The following SLC66A2 variants were observed in gnomAD, a reference collection of about 807,000 sequenced individuals.
SLC66A2 encodes the protein solute carrier family 66 member 2.
SLC66A2 carries 23 observed loss-of-function variants against 25.5 expected under a neutral mutation model. The ratio of observed to expected loss-of-function variants is 0.90; its 90% CI spans 0.65 to 1.28. The LOEUF (loss-of-function observed/expected upper bound fraction) is 1.28. Among genes scored for constraint, SLC66A2 ranks in the 50% most tolerant of loss-of-function variants. SLC66A2 has a pLI of 0.00. For missense variants in SLC66A2, 396 were observed against 373.1 expected, an observed-to-expected ratio of 1.06 and a Z score of -0.51; for synonymous variants, 193 against 166.5, an observed-to-expected ratio of 1.16 and a Z score of -1.23.
intron 4 of SLC66A2, among the ~76,000 whole-genome samples, chr18:79,929,579 T>A (rs1986355155): frequency 6.6e-6 from 1 of 152,076 alleles, no homozygotes; most frequent in South Asian, 2.1e-4. Flanking sequence ...AGGAAAAAAA[T>A]AATAAGCAGG....
intron 2 of SLC66A2, among the ~76,000 whole-genome samples, chr18:79,946,368 C>T (rs2050926323): frequency 6.6e-6 from 1 of 152,262 alleles, no homozygotes; most frequent in African/African-American, 2.4e-5. Context: ...GCCACATTTA[C>T]TTCTCAACTT....
At position 79,903,619 on chromosome 18, in the gene SLC66A2, C is replaced by T. The variant is rs892765097; in HGVS notation, c.*357G>A. 1 of 302,662 alleles carries T rather than the reference C, an allele frequency of 3.3e-6. No individual in the cohort carries two copies. Among genetic ancestry groups the T allele is most frequent in the Non-Finnish European group, 6.1e-6 (1 of 163,042 alleles). The allele number at this position is 302,662 out of a possible 1,614,324, so 18.7% of individuals were successfully genotyped here. ...ACCCCAGCTTCAAGGTTCGCGGCTG[C>T]TGGCCCGTGTGTCCACCTGGAGCAG... On this transcript the variant is annotated 3_prime_UTR_variant, in exon 6 of 6. Coordinates refer to ENST00000397778, the MANE Select transcript of SLC66A2 (RefSeq NM_025078.5).
intron 5 of SLC66A2, among the ~76,000 whole-genome samples, chr18:79,905,896 C>A (rs543892821): frequency 6.6e-6 from 1 of 152,346 alleles, no homozygotes; most frequent in East Asian, 1.9e-4. Context: ...CACACAGACA[C>A]AATTTCTGGC....
chr18:79,913,037 C>T (rs1028392387), intron 5 of SLC66A2, among the ~76,000 whole-genome samples: 2 of 152,160 alleles, frequency 1.3e-5, no homozygotes, highest in Admixed American at 6.5e-5. Flanking sequence ...GGTAAGAGCT[C>T]GGCTTCTGGA....
At chr18:79,931,895 T>C (rs999577613) in intron 4 of SLC66A2, among the ~76,000 whole-genome samples, 1 of 152,154 alleles carries the variant, frequency 6.6e-6, no homozygotes, top group Non-Finnish European at 1.5e-5. Context: ...CACACACCTA[T>C]AGTCCCAGCT....
At position 79,926,367 on chromosome 18, in the gene SLC66A2, G is replaced by A. The variant is rs189103901; in HGVS notation, c.392-6967C>T. Among the ~76,000 whole-genome samples the A allele has an allele frequency of 1.7e-3, 265 of 152,224 alleles. 8 individuals are homozygous for A. The highest frequency in any genetic ancestry group is 0.014 in the Admixed American group (215 of 15,288). On this transcript the variant is annotated intron_variant, in intron 4 of 5. Coordinates refer to ENST00000397778, the MANE Select transcript of SLC66A2 (RefSeq NM_025078.5). ...GCCCTTTCCAGTAATAAACATGAGA[G>A]GGACAGAGAATGCCAGAGAGCTTCC...
In SLC66A2 at chr18:79,938,155, AAAAAG is replaced by A. The variant is rs573327366; in HGVS notation, c.338-4138_338-4134del. ...AGTGAGACCCTGTCTCAAAAAAAAA[AAAAAG>A]AAAGAAAGAAAAAAGAAAAACCTGC... On this transcript the variant is annotated intron_variant, in intron 3 of 5. Coordinates refer to ENST00000397778, the MANE Select transcript of SLC66A2 (RefSeq NM_025078.5). Among the ~76,000 whole-genome samples, 436 of 152,114 alleles carry A rather than the reference AAAAAG, an allele frequency of 2.9e-3. 3 individuals are homozygous for A. Among genetic ancestry groups the A allele is most frequent in the African/African-American group, 9.8e-3 (406 of 41,498 alleles).
chr18:79,919,136 T>C (rs575064804), intron 5 of SLC66A2, 48 bp downstream of exon 5: 3 of 1,514,364 alleles, frequency 2.0e-6, no homozygotes, highest in African/African-American at 2.7e-5. Flanking sequence ...TGCAGCCATG[T>C]GGTGCCTCTG....
chr18:79,948,931 C>T (rs1001656772), intron 2 of SLC66A2, among the ~76,000 whole-genome samples: 1 of 152,192 alleles, frequency 6.6e-6, no homozygotes, highest in Non-Finnish European at 1.5e-5. Context: ...GTCAACCTTA[C>T]GCTCACTGAG....
intron 5 of SLC66A2, among the ~76,000 whole-genome samples, chr18:79,912,012 A>G (rs1253063040): frequency 1.1e-5 from 1 of 88,928 alleles, no homozygotes; most frequent in Non-Finnish European, 2.2e-5. Context: ...CAGCAGGGAG[A>G]GGACAGCAGC....
rs200961253 is a variant in SLC66A2 at position 79,950,828 on chromosome 18, G to A, written c.99C>T (p.Tyr33=). The change falls in exon 2 of 6, where the codon TAC becomes TAT. Residue 33 remains tyrosine, a synonymous_variant. Transcript: ENST00000397778. Reference sequence around the variant, plus strand: ...TGCGAATGTCCCGATACTGCGGGACGTAGGGCACCACCCCTCCGAAGACCA... The same window carrying A: ...TGCGAATGTCCCGATACTGCGGGACATAGGGCACCACCCCTCCGAAGACCA... ...AAMVFGGVVP[Y]VPQYRDIRRT... The A allele has an allele frequency of 2.1e-5, 34 of 1,612,494 alleles. No individual in the cohort carries two copies. The highest frequency in any genetic ancestry group is 4.5e-5 in the East Asian group (2 of 44,868).
At chr18:79,944,280 A>T (rs1265918358) in intron 2 of SLC66A2, 4 of 152,612 alleles carry the variant, frequency 2.6e-5, no homozygotes, top group African/African-American at 9.7e-5. Flanking sequence ...GAAGGCGGGG[A>T]TAGTGTGCAG....
intron 5 of SLC66A2, among the ~76,000 whole-genome samples, chr18:79,916,240 C>CCCGTGGTGCTCTCATAG (rs1984113225): frequency 3.9e-5 from 4 of 102,458 alleles, no homozygotes; most frequent in African/African-American, 1.4e-4. Flanking sequence ...CACTCCCGTA[C>CCCGTGGTGCTCTCATAG]CCGTGGTGCT....
intron 5 of SLC66A2, among the ~76,000 whole-genome samples, chr18:79,912,663 G>A (rs1220385395): frequency 1.3e-5 from 2 of 152,152 alleles, no homozygotes; most frequent in Non-Finnish European, 2.9e-5. Flanking sequence ...TGGCCGCGGG[G>A]TTGCTTCCTG....
intron 4 of SLC66A2, among the ~76,000 whole-genome samples, chr18:79,930,544 A>C (rs967020624): frequency 6.6e-6 from 1 of 152,234 alleles, no homozygotes; most frequent in South Asian, 2.1e-4. Flanking sequence ...GTTATTATAA[A>C]AGATGATATC....
chr18:79,904,306 G>A lies in SLC66A2; in HGVS notation c.609-123C>T. On this transcript the variant is annotated intron_variant, in intron 5 of 5. Transcript: ENST00000397778. The surrounding 1 kb of genome is among the most constrained non-coding windows in gnomAD (Gnocchi z 6.3). ...GCTCAGGGGCACCCAGGGGGCTAAG[G>A]GGACCCCCAGGCAGTCGGCGGGGAG... is the stretch of plus-strand genomic sequence containing the variant. The A allele has an allele frequency of 1.2e-6, 1 of 855,218 alleles. No individual in the cohort carries two copies. The highest frequency in any genetic ancestry group is 1.9e-6 in the Non-Finnish European group (1 of 528,604). The allele number at this position is 855,218 out of a possible 1,614,324, so 53.0% of individuals were successfully genotyped here. A position where few individuals can be genotyped will look rare whatever the true frequency, so the allele number is the denominator to read the frequency against.
intron 4 of SLC66A2, chr18:79,930,429 T>C (rs1343583900): frequency 2.0e-5 from 3 of 152,162 alleles, no homozygotes; most frequent in Admixed American, 1.3e-4. Context: ...CTGTTGCTAG[T>C]AGGCAGACCT....
chr18:79,914,358 C>A (rs1185971723), intron 5 of SLC66A2, among the ~76,000 whole-genome samples: 1 of 152,248 alleles, frequency 6.6e-6, no homozygotes, highest in Non-Finnish European at 1.5e-5. Context: ...TCAAGAATCA[C>A]AACTCCTGAC....
chr18:79,926,920 C>T (rs1986023066), intron 4 of SLC66A2, among the ~76,000 whole-genome samples: 1 of 152,216 alleles, frequency 6.6e-6, no homozygotes, highest in African/African-American at 2.4e-5. Flanking sequence ...CTTTGGCGCT[C>T]CCTGGAGTGA....
Sources: allele counts gnomAD v4.1 joint callset (sites outside exome capture counted in the v4.1 genomes callset), GRCh38; gene constraint gnomAD v4.1.1; non-coding constraint Gnocchi (gnomAD v3.1); transcripts MANE v1.5; gene names NCBI Gene and HGNC (gene_info 2026-07-23, HGNC 2026-07-21).